DMD: variants seen among roughly 807,000 people sequenced by gnomAD.
DMD encodes the protein dystrophin.
In DMD, 63 loss-of-function variants were observed where a neutral mutation model predicts 330.1. The ratio of observed to expected loss-of-function variants is 0.19; its 90% CI spans 0.16 to 0.24. The LOEUF (loss-of-function observed/expected upper bound fraction) is 0.24. Ranked by LOEUF, DMD falls within the 10% of genes least tolerant of loss-of-function variation. The pLI is 1.00. For synonymous variants in DMD, 1,223 were observed against 959.8 expected (o/e 1.27, Z -5.07); for missense variants, 3,344 against 2,684.1 (o/e 1.25, Z -5.43).
chrX:31,489,339 G>C (rs1329011222), intron 57 of DMD, among the ~76,000 whole-genome samples: 1 of 111,458 alleles, frequency 9.0e-6, no homozygotes, highest in Non-Finnish European at 1.9e-5. Flanking sequence ...CACTATGTTG[G>C]CCAGGCTGGT....
chrX:31,363,475 G>T (rs2059071454), intron 60 of DMD, among the ~76,000 whole-genome samples: 1 of 105,148 alleles, frequency 9.5e-6, no homozygotes, highest in African/African-American at 3.5e-5. Flanking sequence ...CCGCTTCCCG[G>T]GTTCAAGCGA....
At chrX:32,107,334 TTA>T (rs541864279) in intron 44 of DMD, among the ~76,000 whole-genome samples, 22 of 68,222 alleles carry the variant, frequency 3.2e-4, no homozygotes, top group South Asian at 1.8e-3. Context: ...ACATATATAA[TTA>T]TATGTGTGTG....
At chrX:31,558,942 G>A (rs1173072645) in intron 55 of DMD, among the ~76,000 whole-genome samples, 4 of 111,131 alleles carry the variant, frequency 3.6e-5, no homozygotes, top group South Asian at 3.8e-4. Context: ...AAAGGAGTTC[G>A]TACAAATCTT....
At chrX:32,289,179 A>G (rs373874582) in intron 42 of DMD, among the ~76,000 whole-genome samples, 1 of 111,464 alleles carries the variant, frequency 9.0e-6, no homozygotes, top group East Asian at 2.8e-4. Context: ...AAAACTTACT[A>G]ATCTTCCAGA....
chrX:31,120,613 T>C lies in DMD; in HGVS notation c.*1306A>G. On this transcript the variant is annotated 3_prime_UTR_variant, in exon 79 of 79. Transcript: ENST00000357033. ...TTTTGACTGTGAGAAGAGGGCATAA[T>C]AATTTAGTTGTAATTACAGAGAACT... The C allele has an allele frequency of 8.9e-6, 1 of 112,146 alleles. No individual in the cohort carries two copies. 9.2% of individuals were successfully genotyped at this position (112,146 alleles called of 1,213,427 possible).
At chrX:31,517,074 G>A (rs759065347) in intron 55 of DMD, among the ~76,000 whole-genome samples, 7 of 111,419 alleles carry the variant, frequency 6.3e-5, no homozygotes, top group East Asian at 2.8e-4. Context: ...TCTCATCTAC[G>A]TCTTGTTTTT....
intron 17 of DMD, among the ~76,000 whole-genome samples, chrX:32,536,518 G>A (rs746609352): frequency 2.7e-5 from 3 of 112,096 alleles, no homozygotes; most frequent in Non-Finnish European, 3.8e-5. Context: ...GCGGAACAAA[G>A]TTCAGACTTT....
intron 30 of DMD, among the ~76,000 whole-genome samples, chrX:32,409,599 G>A (rs1171693434): frequency 9.0e-6 from 1 of 111,539 alleles, no homozygotes; most frequent in Non-Finnish European, 1.9e-5. Context: ...TAGTATAATA[G>A]CTTTGCCTAT....
intron 44 of DMD, among the ~76,000 whole-genome samples, chrX:32,096,380 C>T (rs1181756632): frequency 9.0e-6 from 1 of 111,350 alleles, no homozygotes; most frequent in Non-Finnish European, 1.9e-5. Context: ...TTCAATTATG[C>T]TCAGTGATTT....
At chrX:33,231,198 C>T (rs1405904703) in intron 1 of DMD, among the ~76,000 whole-genome samples, 1 of 111,409 alleles carries the variant, frequency 9.0e-6, no homozygotes, top group Non-Finnish European at 1.9e-5. Flanking sequence ...ATCATATGTA[C>T]AACTTGGGCT....
chrX:33,211,386 G>A lies in DMD; in HGVS notation c.-74C>T. On this transcript the variant is annotated 5_prime_UTR_variant, in exon 1 of 79. Coordinates refer to ENST00000357033, the MANE Select transcript of DMD (RefSeq NM_004006.3). ...TCTTCAAACTTTATTGCTCCAGTAG[G>A]CTTAAAAACAATGAGAAACCAACAA... The A allele has an allele frequency of 8.5e-7, 1 of 1,183,350 alleles. No homozygotes were observed. Among genetic ancestry groups the A allele is most frequent in the Non-Finnish European group, 1.1e-6 (1 of 880,139 alleles).
At chrX:31,627,386 G>A (rs1218499021) in intron 55 of DMD, among the ~76,000 whole-genome samples, 8 of 112,338 alleles carry the variant, frequency 7.1e-5, no homozygotes, top group Non-Finnish European at 1.1e-4. Flanking sequence ...CAATCCCTAA[G>A]TTATTTCTCT....
intron 7 of DMD, among the ~76,000 whole-genome samples, chrX:32,744,414 G>A (rs1012813673): frequency 2.0e-4 from 22 of 110,267 alleles, no homozygotes; most frequent in African/African-American, 6.9e-4. Context: ...CTTCTCATAA[G>A]GCATATTCTC....
chrX:31,283,897 C>T (rs2052819203), intron 62 of DMD, among the ~76,000 whole-genome samples: 1 of 111,719 alleles, frequency 9.0e-6, no homozygotes, highest in Admixed American at 9.5e-5. Flanking sequence ...AATACTTCTG[C>T]TCCAACCCAG....
chrX:31,245,051 A>G (rs1208403792), intron 63 of DMD, among the ~76,000 whole-genome samples: 2 of 111,852 alleles, frequency 1.8e-5, no homozygotes, highest in African/African-American at 3.2e-5. Context: ...TTTGTCATAT[A>G]AATTCTGAAT....
intron 19 of DMD, among the ~76,000 whole-genome samples, chrX:32,495,085 C>T (rs1330373387): frequency 1.8e-5 from 2 of 111,734 alleles, no homozygotes; most frequent in Admixed American, 9.5e-5. Flanking sequence ...TCAAAAAAAA[C>T]GTGGAAATTT....
intron 57 of DMD, among the ~76,000 whole-genome samples, chrX:31,481,955 T>C (rs1403036901): frequency 9.0e-6 from 1 of 110,980 alleles, no homozygotes; most frequent in African/African-American, 3.3e-5. Flanking sequence ...GAATGAGAGA[T>C]GGATAGCAGC....
chrX:32,544,477 C>T (rs2048778838), intron 17 of DMD, among the ~76,000 whole-genome samples: 1 of 111,280 alleles, frequency 9.0e-6, no homozygotes, highest in Non-Finnish European at 1.9e-5. Flanking sequence ...GGAAATTGTA[C>T]CTTTTAAAAT....
intron 2 of DMD, among the ~76,000 whole-genome samples, chrX:32,983,205 T>C (rs1216852002): frequency 1.8e-5 from 2 of 110,626 alleles, no homozygotes; most frequent in Non-Finnish European, 3.8e-5. Context: ...CCACTATCTA[T>C]CTCCTAGTGA....
Sources: gnomAD v4.1 joint callset for allele counts (sites outside exome capture counted in the v4.1 genomes callset) on GRCh38, gnomAD v4.1.1 for gene constraint, MANE v1.5 for transcripts, NCBI Gene and HGNC (gene_info 2026-07-23, HGNC 2026-07-21) for gene names.